The following DMTN variants were observed in gnomAD, a reference collection of about 807,000 sequenced individuals.
DMTN encodes dematin actin binding protein.
DMTN carries 27 observed loss-of-function variants against 59.4 expected under a neutral mutation model. That is an observed-to-expected ratio of 0.45 (90% confidence interval 0.33 to 0.63). The LOEUF (loss-of-function observed/expected upper bound fraction) is 0.63, where lower values mean the gene tolerates loss of function less well. Ranked by LOEUF, DMTN falls within the 20% of genes least tolerant of loss-of-function variation. The probability of loss-of-function intolerance (pLI) is 0.02; values close to 1 mark genes in which losing one functional copy is unlikely to be tolerated. For synonymous variants in DMTN, 221 were observed against 203.7 expected (o/e 1.08, Z -0.72); for missense variants, 451 against 528.9 (o/e 0.85, Z 1.45).
chr8:22,078,457 T>A (rs960526577), intron 10 of DMTN, among the ~76,000 whole-genome samples: 1 of 146,950 alleles, frequency 6.8e-6, no homozygotes, highest in Non-Finnish European at 1.5e-5. Context: ...ATTAAGATAG[T>A]TCCTCATAGT....
upstream of DMTN, among the ~76,000 whole-genome samples, chr8:22,056,555 G>T (rs1464626568): frequency 1.3e-5 from 2 of 151,826 alleles, no homozygotes; most frequent in Non-Finnish European, 2.9e-5. Flanking sequence ...AGGGGCTCTG[G>T]GTGCGTGTGG....
chr8:22,069,599 ACTCTC>A, intron 6 of DMTN, 81 bp downstream of exon 6: 1 of 1,234,618 alleles, frequency 8.1e-7, no homozygotes, highest in Non-Finnish European at 1.1e-6. Context: ...TCAGTCCCCC[ACTCTC>A]TGGGGTATAT....
At chr8:22,075,627 T>C (rs1340520783) in intron 10 of DMTN, among the ~76,000 whole-genome samples, 1 of 149,046 alleles carries the variant, frequency 6.7e-6, no homozygotes, top group Admixed American at 6.8e-5. Flanking sequence ...CAAGCAATTC[T>C]CCTGCCTCAG....
chr8:22,055,169 C>T (rs1801996084), upstream of DMTN, among the ~76,000 whole-genome samples: 1 of 152,162 alleles, frequency 6.6e-6, no homozygotes, highest in Non-Finnish European at 1.5e-5. Flanking sequence ...CCCCTGGCCA[C>T]AGCTGTCCTT....
intron 10 of DMTN, among the ~76,000 whole-genome samples, chr8:22,076,911 G>A (rs544126879): frequency 1.2e-4 from 18 of 152,242 alleles, no homozygotes; most frequent in African/African-American, 3.9e-4. Context: ...ATGAGAAGCC[G>A]AGGTTGTCTG....
intron 4 of DMTN, 131 bp downstream of exon 4, chr8:22,067,813 G>GTTCAGTCA (rs1223009965): frequency 9.1e-7 from 1 of 1,093,374 alleles, no homozygotes; most frequent in African/African-American, 1.6e-5. Context: ...ACTGTGCGCA[G>GTTCAGTCA]GAACCAACCA....
In DMTN at chr8:22,081,756, A is replaced by G; in HGVS notation, c.*293A>G. 1.9e-6 allele frequency: 1 copy of G among 531,358 alleles called. No individual in the cohort carries two copies. The allele number at this position is 531,358 out of a possible 1,614,324, so 32.9% of individuals were successfully genotyped here. The stretch of plus-strand genomic sequence containing the variant: ...GCCCTCTCCCTGCCCCTCACCCCAG[A>G]GGGTGAGGAGGAATGAGGGGCATTG... On this transcript the variant is annotated 3_prime_UTR_variant, in exon 16 of 16. Coordinates refer to ENST00000358242, the MANE Select transcript of DMTN (RefSeq NM_001387751.1).
intron 8 of DMTN, among the ~76,000 whole-genome samples, chr8:22,071,085 TA>T (rs1554550396): frequency 3.4e-4 from 1 of 2,940 alleles, no homozygotes; most frequent in Non-Finnish European, 0.01. Flanking sequence ...ATTTTTATTT[TA>T]TTTATTTATT....
At chr8:22,080,326 C>T (rs1023902729) in intron 11 of DMTN, 82 bp downstream of exon 11, 7 of 1,613,122 alleles carry the variant, frequency 4.3e-6, no homozygotes, top group Middle Eastern at 3.3e-4. Flanking sequence ...ACTTGGGCAC[C>T]CTCAGGGAGC....
intron 10 of DMTN, among the ~76,000 whole-genome samples, chr8:22,079,252 A>G (rs1190897637): frequency 2.3e-5 from 1 of 43,538 alleles, no homozygotes; most frequent in Non-Finnish European, 4.7e-5. Flanking sequence ...TCTACAAAAA[A>G]TAAAAATAAA....
chr8:22,079,276 A>AT (rs1491328601), intron 10 of DMTN, among the ~76,000 whole-genome samples: 420 of 39,500 alleles, frequency 0.011, 1 homozygote, highest in African/African-American at 0.034. Flanking sequence ...ATAAATAAAT[A>AT]AATATATATA....
intron 10 of DMTN, among the ~76,000 whole-genome samples, chr8:22,079,271 TAAATAA>T (rs758388850): frequency 0.016 from 709 of 44,926 alleles, 21 homozygotes; most frequent in African/African-American, 0.051. Flanking sequence ...AATAAATAAA[TAAATAA>T]ATATATATAT....
chr8:22,072,454 G>A lies in DMTN; in HGVS notation c.729+4G>A, dbSNP rs780196769. 1.3e-6 allele frequency: 2 copies of A among 1,552,698 alleles called. No individual in the cohort carries two copies. Among genetic ancestry groups the A allele is most frequent in the Non-Finnish European group, 1.7e-6 (2 of 1,146,102 alleles). ...TCAGAGAGAGGAACTCAGTAAGGTA[G>A]CATCTCACCACCCCCACCCTCCACC... On this transcript the variant is annotated splice_donor_region_variant and intron_variant, in intron 9 of 15. Transcript: ENST00000358242.
chr8:22,072,382 G>A lies in DMTN; in HGVS notation c.661G>A (p.Glu221Lys). ...SRRGAEEEEE[E>K]EDDDSGEEMK... Reference sequence around the variant, plus strand: ...GAGGGGAGCAGAGGAAGAGGAGGAGGAGGAAGATGACGACTCTGGAGAGGA... The same window carrying A: ...GAGGGGAGCAGAGGAAGAGGAGGAGAAGGAAGATGACGACTCTGGAGAGGA... Residue 221 changes from glutamate to lysine, a missense_variant, in exon 9 of 16, where the codon GAG becomes AAG. Glu to Lys is a moderately conservative substitution (Grantham distance 56). Coordinates refer to ENST00000358242, the MANE Select transcript of DMTN (RefSeq NM_001387751.1). 1 of 1,603,230 alleles carries A rather than the reference G, an allele frequency of 6.2e-7. No individual in the cohort carries two copies. Among genetic ancestry groups the A allele is most frequent in the Non-Finnish European group, 8.5e-7 (1 of 1,174,370 alleles).
chr8:22,067,170 C>A lies in DMTN; in HGVS notation c.93+11C>A, dbSNP rs780574456. 4 of 1,609,518 alleles carry A rather than the reference C, an allele frequency of 2.5e-6. No individual in the cohort carries two copies. In the East Asian group the frequency reaches 9.1e-5, roughly 36 times the overall value. ...CCCTCCAGCATCGTGGTGAGTACCCCTCTCGGCCACCAGCAACCCCTGGCT... is the reference window on the plus strand; with the variant it reads ...CCCTCCAGCATCGTGGTGAGTACCCATCTCGGCCACCAGCAACCCCTGGCT... On this transcript the variant is annotated intron_variant, in intron 3 of 15. Transcript: ENST00000358242.
At chr8:22,079,336 G>A (rs1822574554) in intron 10 of DMTN, among the ~76,000 whole-genome samples, 1 of 134,648 alleles carries the variant, frequency 7.4e-6, no homozygotes, top group South Asian at 2.4e-4. Context: ...CCTAGTCCCA[G>A]CTACTGAGGA....
chr8:22,081,401 G>A lies in DMTN; in HGVS notation c.1156G>A (p.Glu386Lys), dbSNP rs907611786. The A allele has an allele frequency of 6.2e-7, 1 of 1,614,150 alleles. No individual in the cohort carries two copies. The highest frequency in any genetic ancestry group is 1.7e-5 in the Admixed American group (1 of 60,022). ...AAGGGTATTTGCCATGTCCCCTGAA[G>A]AGTTTGGCAAGCTGGCTCTGTGGAA... ...FSRVFAMSPE[E>K]FGKLALWKRN... The change falls in exon 16 of 16, where the codon GAG (glutamate) becomes AAG (lysine). Residue 386 changes from glutamate (E) to lysine (K), a missense_variant. Physicochemically the swap from Glu to Lys is moderately conservative, Grantham distance 56 (BLOSUM62 1). Transcript: ENST00000358242.
rs573678477 is a variant in DMTN at position 22,066,910 on chromosome 8, C to T, written c.18+17C>T. 6.4e-6 allele frequency: 8 copies of T among 1,249,836 alleles called. No individual in the cohort carries two copies. In the South Asian group the frequency reaches 1.2e-4, roughly 19 times the overall value. The allele number at this position is 1,249,836 out of a possible 1,614,324, so 77.4% of individuals were successfully genotyped here. On this transcript the variant is annotated intron_variant, in intron 2 of 15. Coordinates refer to ENST00000358242, the MANE Select transcript of DMTN (RefSeq NM_001387751.1). ...CTGCAGAAGGTGCGCGGCGCCGCCC[C>T]GGGCCGGGGCCGCCGAGGGCGGGTG...
At chr8:22,080,762 C>A in intron 13 of DMTN, 43 bp from the exon 14 acceptor site, 1 of 1,596,938 alleles carries the variant, frequency 6.3e-7, no homozygotes, top group Non-Finnish European at 8.5e-7. Flanking sequence ...CTGGGAAGGT[C>A]TCCCTGCCCC....
Sources: allele counts gnomAD v4.1 joint callset (sites outside exome capture counted in the v4.1 genomes callset), GRCh38; gene constraint gnomAD v4.1.1; transcripts MANE v1.5; gene names NCBI Gene and HGNC (gene_info 2026-07-23, HGNC 2026-07-21).